Variants in UGT3A1 observed in about 807,000 individuals in gnomAD.
The protein encoded by UGT3A1 is UDP-glycosyltransferase 3A1.
In UGT3A1, 40 loss-of-function variants were observed where a neutral mutation model predicts 37.6. The ratio of observed to expected loss-of-function variants is 1.06; its 90% CI spans 0.83 to 1.38. The LOEUF (loss-of-function observed/expected upper bound fraction) is 1.38, where lower values mean the gene tolerates loss of function less well. Among genes scored for constraint, UGT3A1 ranks in the 40% most tolerant of loss-of-function variants. The pLI, the probability that UGT3A1 is intolerant of heterozygous loss-of-function variation, is 0.00. For synonymous variants in UGT3A1, 256 were observed against 232.3 expected (o/e 1.10, Z -0.93); for missense variants, 642 against 634.2 (o/e 1.01, Z -0.13).
At chr5:35,954,675 C>G (rs1373546754) in intron 6 of UGT3A1, 197 bp from the exon 7 acceptor site, 12 of 602,710 alleles carry the variant, frequency 2.0e-5, no homozygotes, top group Non-Finnish European at 3.2e-5. Context: ...TAAAAACACC[C>G]ACATACAAAG....
intron 4 of UGT3A1, among the ~76,000 whole-genome samples, chr5:35,960,583 T>A (rs1032652025): frequency 6.6e-5 from 10 of 152,140 alleles, no homozygotes; most frequent in African/African-American, 2.2e-4. Context: ...CAGCAGTATA[T>A]AAGGGTGGGT....
At chr5:35,985,635 G>A (rs1740700418) in intron 2 of UGT3A1, among the ~76,000 whole-genome samples, 1 of 152,112 alleles carries the variant, frequency 6.6e-6, no homozygotes. Flanking sequence ...TGGTGCTGGA[G>A]AATCTGTAAA....
chr5:35,975,379 A>T (rs1366756488), intron 2 of UGT3A1, among the ~76,000 whole-genome samples: 1 of 152,188 alleles, frequency 6.6e-6, no homozygotes, highest in Admixed American at 6.5e-5. Flanking sequence ...ATTACATTGG[A>T]CCAATTCCAT....
intron 2 of UGT3A1, among the ~76,000 whole-genome samples, chr5:35,974,582 G>A (rs1740186430): frequency 2.0e-5 from 3 of 152,156 alleles, no homozygotes; most frequent in Non-Finnish European, 2.9e-5. Context: ...GAAAACACGT[G>A]GATCTTGGAG....
chr5:35,973,255 T>C (rs570065553), intron 2 of UGT3A1, among the ~76,000 whole-genome samples: 6 of 152,160 alleles, frequency 3.9e-5, no homozygotes, highest in Non-Finnish European at 8.8e-5. Context: ...GATTCAAAAA[T>C]AGACTCGAGC....
In UGT3A1 at chr5:35,954,002, T is replaced by G; in HGVS notation, c.*200A>C. 1 of 583,836 alleles carries G rather than the reference T, an allele frequency of 1.7e-6. No homozygotes were observed. The highest frequency in any genetic ancestry group is 2.9e-6 in the Non-Finnish European group (1 of 340,554). 36.2% of individuals were successfully genotyped at this position (583,836 alleles called of 1,614,324 possible). A position where few individuals can be genotyped will look rare whatever the true frequency, so the allele number is the denominator to read the frequency against. ...TGAAAATTTGTATCTGAGCTGGGGT[T>G]TCAAGTCACAAGGGGCAAGTCAAGA... On this transcript the variant is annotated 3_prime_UTR_variant, in exon 7 of 7. Coordinates refer to ENST00000274278, the MANE Select transcript of UGT3A1 (RefSeq NM_152404.4).
chr5:35,969,992 C>T (rs1211293585), intron 2 of UGT3A1, among the ~76,000 whole-genome samples: 1 of 152,058 alleles, frequency 6.6e-6, no homozygotes, highest in Non-Finnish European at 1.5e-5. Context: ...GCTGAGGAGA[C>T]CTCACAATCA....
Position 35,973,089 on chromosome 5 carries a change from T to C in UGT3A1, c.197-4956A>G, listed in dbSNP as rs1426698852. ...GGCAGATCCTATGAATCTGGGGCTA[T>C]TGAACCCCTAACTTCTGTTGAATCT... On this transcript the variant is annotated intron_variant, in intron 2 of 6. Coordinates refer to ENST00000274278, the MANE Select transcript of UGT3A1 (RefSeq NM_152404.4). 2.0e-5 allele frequency among the ~76,000 whole-genome samples: 3 copies of C among 152,206 alleles called. No individual in the cohort carries two copies. In the South Asian group the frequency reaches 6.2e-4, roughly 32 times the overall value.
chr5:35,954,685 G>A (rs974232555), intron 6 of UGT3A1: 3 of 591,628 alleles, frequency 5.1e-6, no homozygotes, highest in Non-Finnish European at 8.9e-6. Flanking sequence ...CACATACAAA[G>A]ACCAATGATT....
At chr5:35,964,637 C>A (rs978397092) in intron 4 of UGT3A1, among the ~76,000 whole-genome samples, 1 of 152,128 alleles carries the variant, frequency 6.6e-6, no homozygotes, top group African/African-American at 2.4e-5. Flanking sequence ...GTGCTTCTGT[C>A]CTCCTCCATT....
upstream of UGT3A1, among the ~76,000 whole-genome samples, chr5:35,995,002 G>A (rs1194636153): frequency 6.6e-6 from 1 of 152,152 alleles, no homozygotes; most frequent in African/African-American, 2.4e-5. Flanking sequence ...GAAAACGCAG[G>A]CACAAAAACT....
chr5:35,959,438 T>A (rs1408843975), intron 4 of UGT3A1, among the ~76,000 whole-genome samples: 2 of 151,962 alleles, frequency 1.3e-5, no homozygotes, highest in East Asian at 3.9e-4. Flanking sequence ...ATGGAAAACA[T>A]GGGAAAAAAA....
At chr5:35,978,611 C>T (rs950880566) in intron 2 of UGT3A1, among the ~76,000 whole-genome samples, 11 of 152,116 alleles carry the variant, frequency 7.2e-5, no homozygotes, top group African/African-American at 2.7e-4. Context: ...AATCACCTCC[C>T]ACCAGGTCCC....
At chr5:35,968,220 T>C (rs921600837) in intron 2 of UGT3A1, 87 bp from the exon 3 acceptor site, 3 of 786,042 alleles carry the variant, frequency 3.8e-6, no homozygotes, top group Admixed American at 6.5e-5. Flanking sequence ...TTTTATTCTA[T>C]TAATTTTACA....
At chr5:35,970,105 T>A (rs1202559586) in intron 2 of UGT3A1, among the ~76,000 whole-genome samples, 1 of 152,132 alleles carries the variant, frequency 6.6e-6, no homozygotes, top group Non-Finnish European at 1.5e-5. Flanking sequence ...AACCATCATT[T>A]CTTGGCCGGG....
In UGT3A1 at chr5:35,951,617, T is replaced by G. The variant is rs1462583882; in HGVS notation, c.*2585A>C. The stretch of plus-strand genomic sequence containing the variant: ...ATATTAGGTCTATGTGTAAGATATA[T>G]GCTGCAGCTATGTTTCTCCAACTTT... On this transcript the variant is annotated 3_prime_UTR_variant, in exon 7 of 7. Transcript: ENST00000274278. 6.6e-6 allele frequency: 1 copy of G among 152,228 alleles called. No individual in the cohort carries two copies. The allele number at this position is 152,228 out of a possible 1,614,324, so 9.4% of individuals were successfully genotyped here.
At chr5:35,986,955 T>C (rs766801444) in intron 2 of UGT3A1, among the ~76,000 whole-genome samples, 3 of 152,138 alleles carry the variant, frequency 2.0e-5, no homozygotes, top group African/African-American at 4.8e-5. Context: ...ACATCTATTA[T>C]GCAGCAATAA....
chr5:35,990,937 G>C (rs11746242), intron 1 of UGT3A1: 914,954 of 1,438,476 alleles, frequency 0.64, 298,480 homozygotes, highest in Non-Finnish European at 0.67. Flanking sequence ...AAAGGAGAGT[G>C]TCTTTTCTCA....
rs73076137 is a variant in UGT3A1, at chr5:35,962,780, G to A, written c.843+2606C>T. 6.0e-3 allele frequency: 4,013 copies of A among 665,058 alleles called. 118 individuals are homozygous for A. In the African/African-American group the frequency reaches 0.064, roughly 11 times the overall value. 41.2% of individuals were successfully genotyped at this position (665,058 alleles called of 1,614,324 possible). A position where few individuals can be genotyped will look rare whatever the true frequency, so the allele number is the denominator to read the frequency against. On this transcript the variant is annotated intron_variant, in intron 4 of 6. Transcript: ENST00000274278. ...GGCCAAACCTTTGTTCCGAGGGCTA[G>A]GAGGTGTTTTTCCTCCAGATTCTGA...
Sources: allele counts gnomAD v4.1 joint callset (sites outside exome capture counted in the v4.1 genomes callset), GRCh38; gene constraint gnomAD v4.1.1; transcripts MANE v1.5; gene names NCBI Gene and HGNC (gene_info 2026-07-23, HGNC 2026-07-21).